OSBPL3: variants seen among roughly 807,000 people sequenced by gnomAD.
OSBPL3 encodes the protein oxysterol binding protein like 3.
OSBPL3 carries 65 observed loss-of-function variants against 120.1 expected under a neutral mutation model. That is an observed-to-expected ratio of 0.54 (90% confidence interval 0.44 to 0.67). The LOEUF (loss-of-function observed/expected upper bound fraction) is 0.67, where lower values mean the gene tolerates loss of function less well. Among genes scored for constraint, OSBPL3 ranks in the 30% least tolerant of loss-of-function variants. The pLI, the probability that OSBPL3 is intolerant of heterozygous loss-of-function variation, is 0.00. For missense variants in OSBPL3, 1,004 were observed against 1,082.1 expected, an observed-to-expected ratio of 0.93 and a Z score of 1.01; for synonymous variants, 416 against 402.6, an observed-to-expected ratio of 1.03 and a Z score of -0.40.
intron 16 of OSBPL3, among the ~76,000 whole-genome samples, chr7:24,829,189 G>A (rs1352323812): frequency 6.6e-6 from 1 of 152,146 alleles, no homozygotes; most frequent in Non-Finnish European, 1.5e-5. Context: ...TTTCACAAGA[G>A]TGCATATGAT....
In OSBPL3 at chr7:24,967,768, C is replaced by G. The variant is rs555178321; in HGVS notation, c.-150+12118G>C. 1.3e-5 allele frequency among the ~76,000 whole-genome samples: 2 copies of G among 152,126 alleles called. No individual in the cohort carries two copies. The highest frequency in any genetic ancestry group is 2.9e-5 in the Non-Finnish European group (2 of 68,024). ...GCCCCAAAGGTTCTATAGGTAAAGG[C>G]CCCCTTAACTGTCACAATTTTAACT... On this transcript the variant is annotated intron_variant, in intron 1 of 22. Transcript: ENST00000313367. This position sits in a 1 kb window ranked among gnomAD's most constrained non-coding sequence, Gnocchi z 5.6.
At chr7:24,960,500 G>A (rs373067163) in intron 1 of OSBPL3, among the ~76,000 whole-genome samples, 1 of 152,228 alleles carries the variant, frequency 6.6e-6, no homozygotes, top group African/African-American at 2.4e-5. Flanking sequence ...TCAATTATCT[G>A]TGCTAATGGA....
rs372187243 is a variant in OSBPL3 at position 24,808,588 on chromosome 7, C to T, written c.2317+1219G>A. On this transcript the variant is annotated intron_variant, in intron 20 of 22. Coordinates refer to ENST00000313367, the MANE Select transcript of OSBPL3 (RefSeq NM_015550.4). This position sits in a 1 kb window ranked among gnomAD's most constrained non-coding sequence, Gnocchi z 4.6. ...CTGGTGCCAATTCATTCTAACTTCA[C>T]GGCAACCTCTGCAACAGTGGGAGAT... 5.9e-5 allele frequency among the ~76,000 whole-genome samples: 9 copies of T among 152,192 alleles called. No homozygotes were observed. Among genetic ancestry groups the T allele is most frequent in the Non-Finnish European group, 1.3e-4 (9 of 68,034 alleles).
At chr7:24,859,444 T>A (rs1800232787) in intron 10 of OSBPL3, among the ~76,000 whole-genome samples, 1 of 152,228 alleles carries the variant, frequency 6.6e-6, no homozygotes, top group African/African-American at 2.4e-5. Context: ...CTTTTTAGTA[T>A]ACCTATATAT....
rs1809609024 is a variant in OSBPL3, at chr7:24,916,819, T to A, written c.-149-24198A>T. Reference sequence around the variant, plus strand: ...AGATGTAAATGGAAACTTCCCATGCTGGGATTCCCAGCTGTGCTGCTGTTA... The same window carrying A: ...AGATGTAAATGGAAACTTCCCATGCAGGGATTCCCAGCTGTGCTGCTGTTA... On this transcript the variant is annotated intron_variant, in intron 1 of 22. Coordinates refer to ENST00000313367, the MANE Select transcript of OSBPL3 (RefSeq NM_015550.4). The surrounding 1 kb of genome is among the most constrained non-coding windows in gnomAD (Gnocchi z 4.9). 6.6e-6 allele frequency among the ~76,000 whole-genome samples: 1 copy of A among 152,172 alleles called. No individual in the cohort carries two copies. The highest frequency in any genetic ancestry group is 6.5e-5 in the Admixed American group (1 of 15,278).
Position 24,968,458 on chromosome 7 carries a change from G to A in OSBPL3, c.-150+11428C>T, listed in dbSNP as rs890825275. Among the ~76,000 whole-genome samples the A allele has an allele frequency of 3.9e-5, 6 of 152,128 alleles. No homozygotes were observed. Among genetic ancestry groups the A allele is most frequent in the African/African-American group, 9.7e-5 (4 of 41,434 alleles). ...GTCACCCAGACTGGAGTGCAGTGGC[G>A]TGATCTTGGCTCACTGCAGCCACTG... is the stretch of plus-strand genomic sequence containing the variant. On this transcript the variant is annotated intron_variant, in intron 1 of 22. Transcript: ENST00000313367. The surrounding 1 kb of genome is among the most constrained non-coding windows in gnomAD (Gnocchi z 4.6).
At chr7:24,860,266 T>C (rs1269650203) in intron 10 of OSBPL3, among the ~76,000 whole-genome samples, 1 of 152,196 alleles carries the variant, frequency 6.6e-6, no homozygotes, top group Admixed American at 6.5e-5. Flanking sequence ...TCCATCTCCA[T>C]AATTATATCA....
chr7:24,956,721 C>T (rs1815099293), intron 1 of OSBPL3, among the ~76,000 whole-genome samples: 1 of 152,124 alleles, frequency 6.6e-6, no homozygotes, highest in African/African-American at 2.4e-5. Context: ...CTTTTAGATA[C>T]TTGTGTTACC....
rs1802416243 is a variant in OSBPL3 at position 24,873,282 on chromosome 7, C to A, written c.97-1213G>T. Among the ~76,000 whole-genome samples, 1 of 152,202 alleles carries A rather than the reference C, an allele frequency of 6.6e-6. No individual in the cohort carries two copies. On this transcript the variant is annotated intron_variant, in intron 2 of 22. Transcript: ENST00000313367. The surrounding 1 kb of genome is among the most constrained non-coding windows in gnomAD (Gnocchi z 4.1). ...AAGTCCTGGGACACAAGTGGTCTAACAGGGAGGGCACAGAAACCACACAGG... is the reference window on the plus strand; with the variant it reads ...AAGTCCTGGGACACAAGTGGTCTAAAAGGGAGGGCACAGAAACCACACAGG...
At chr7:24,971,128 T>C (rs1203235798) in intron 1 of OSBPL3, among the ~76,000 whole-genome samples, 1 of 152,194 alleles carries the variant, frequency 6.6e-6, no homozygotes, top group Non-Finnish European at 1.5e-5. Flanking sequence ...ACTACATCCA[T>C]CCTCTGATCC....
intron 12 of OSBPL3, among the ~76,000 whole-genome samples, chr7:24,847,720 G>A (rs1346304444): frequency 6.6e-6 from 1 of 152,184 alleles, no homozygotes; most frequent in African/African-American, 2.4e-5. Context: ...AATACTGTCT[G>A]AAAACATGCA....
At chr7:24,942,083 T>C (rs1327898206) in intron 1 of OSBPL3, among the ~76,000 whole-genome samples, 1 of 151,966 alleles carries the variant, frequency 6.6e-6, no homozygotes, top group Non-Finnish European at 1.5e-5. Flanking sequence ...CTCCAAGTAC[T>C]TTGGGCACCA....
rs1324548918 is a variant in OSBPL3 at position 24,930,649 on chromosome 7, CT to C, written c.-149-38029del. ...GCCATCAATTCAGTTGGTCATTAACCTTTCCAGGTTAACCTCTTAAAAAATT... is the reference window on the plus strand; with the variant it reads ...GCCATCAATTCAGTTGGTCATTAACCTTCCAGGTTAACCTCTTAAAAAATT... On this transcript the variant is annotated intron_variant, in intron 1 of 22. Coordinates refer to ENST00000313367, the MANE Select transcript of OSBPL3 (RefSeq NM_015550.4). This position sits in a 1 kb window ranked among gnomAD's most constrained non-coding sequence, Gnocchi z 4.4. 2.0e-5 allele frequency among the ~76,000 whole-genome samples: 3 copies of C among 152,100 alleles called. No homozygotes were observed. The highest frequency in any genetic ancestry group is 4.4e-5 in the Non-Finnish European group (3 of 68,034).
At position 24,979,954 on chromosome 7, in the gene OSBPL3, C is replaced by T. The variant is rs775978875; in HGVS notation, c.-218G>A. On this transcript the variant is annotated 5_prime_UTR_variant, in exon 1 of 23. Transcript: ENST00000313367. ...CGGGCTCCGGGGTTAGCGCACAGAA[C>T]CGGGAGAAGGCAACCCCGGCTTCTC... The T allele has an allele frequency of 8.2e-6, 8 of 981,484 alleles. No homozygotes were observed. Among genetic ancestry groups the T allele is most frequent in the South Asian group, 4.7e-5 (1 of 21,092 alleles). 60.8% of individuals were successfully genotyped at this position (981,484 alleles called of 1,614,324 possible).
chr7:24,904,918 GGTGTGTGTGTGTGTGTGT>G (rs67222925), intron 1 of OSBPL3, among the ~76,000 whole-genome samples: 6 of 132,860 alleles, frequency 4.5e-5, no homozygotes, highest in South Asian at 2.8e-4. Context: ...ATAATATACA[GGTGTGTGTGTGTGTGTGT>G]GTGTGTGTGT....
rs1423203644 is a variant in OSBPL3 at position 24,873,852 on chromosome 7, A to C, written c.97-1783T>G. ...AACCTTTAAGGTTGTCAAGTTAAAAATTCCACCTCAAATTTCACCTCCTCC... is the reference window on the plus strand; with the variant it reads ...AACCTTTAAGGTTGTCAAGTTAAAACTTCCACCTCAAATTTCACCTCCTCC... On this transcript the variant is annotated intron_variant, in intron 2 of 22. Coordinates refer to ENST00000313367, the MANE Select transcript of OSBPL3 (RefSeq NM_015550.4). This position sits in a 1 kb window ranked among gnomAD's most constrained non-coding sequence, Gnocchi z 4.1. Among the ~76,000 whole-genome samples the C allele has an allele frequency of 6.6e-6, 1 of 152,234 alleles. No individual in the cohort carries two copies. The highest frequency in any genetic ancestry group is 2.4e-5 in the African/African-American group (1 of 41,468).
At chr7:24,844,470 G>A (rs1798158244) in intron 12 of OSBPL3, among the ~76,000 whole-genome samples, 1 of 151,656 alleles carries the variant, frequency 6.6e-6, no homozygotes, top group African/African-American at 2.4e-5. Flanking sequence ...GTGGCCTAGA[G>A]AAGCCAAAAG....
At chr7:24,842,989 T>C (rs58923130) in intron 12 of OSBPL3, among the ~76,000 whole-genome samples, 4,440 of 152,322 alleles carry the variant, frequency 0.029, 141 homozygotes, top group African/African-American at 0.067. Flanking sequence ...TCTTTCCACC[T>C]ACAATGACTG....
At position 24,917,315 on chromosome 7, in the gene OSBPL3, T is replaced by C. The variant is rs191879432; in HGVS notation, c.-149-24694A>G. Among the ~76,000 whole-genome samples, 20 of 150,322 alleles carry C rather than the reference T, an allele frequency of 1.3e-4. 1 individual carries two copies. Among genetic ancestry groups the C allele is most frequent in the Admixed American group, 4.7e-4 (7 of 14,972 alleles). ...AAGGATTATCAGGCACCATACAGACTGCGCAATACAAGTAACAGATTTTAA... is the reference window on the plus strand; with the variant it reads ...AAGGATTATCAGGCACCATACAGACCGCGCAATACAAGTAACAGATTTTAA... On this transcript the variant is annotated intron_variant, in intron 1 of 22. Transcript: ENST00000313367.
Sources: allele counts gnomAD v4.1 joint callset (sites outside exome capture counted in the v4.1 genomes callset), GRCh38; gene constraint gnomAD v4.1.1; non-coding constraint Gnocchi (gnomAD v3.1); transcripts MANE v1.5; gene names NCBI Gene and HGNC (gene_info 2026-07-23, HGNC 2026-07-21).